Variants in REPS1 observed in about 807,000 individuals in gnomAD.
The protein encoded by REPS1 is RALBP1 associated Eps domain containing 1.
REPS1 carries 39 observed loss-of-function variants against 100.9 expected under a neutral mutation model. The ratio of observed to expected loss-of-function variants is 0.39; its 90% confidence interval spans 0.30 to 0.50. The LOEUF (loss-of-function observed/expected upper bound fraction) is 0.50. REPS1 is among the 20% of genes least tolerant of loss of function. The probability of loss-of-function intolerance (pLI) is 0.86; values close to 1 mark genes in which losing one functional copy is unlikely to be tolerated. For synonymous variants in REPS1, 324 were observed against 340.3 expected (o/e 0.95, Z 0.53); for missense variants, 821 against 968.5 (o/e 0.85, Z 2.02).
intron 1 of REPS1, among the ~76,000 whole-genome samples, chr6:138,948,291 A>C (rs1782770550): frequency 6.6e-6 from 1 of 152,214 alleles, no homozygotes; most frequent in African/African-American, 2.4e-5. Flanking sequence ...CGGTCTTTAA[A>C]TGATATAACA....
chr6:138,963,691 ACAAT>A (rs905164807), intron 1 of REPS1, among the ~76,000 whole-genome samples: 4 of 152,200 alleles, frequency 2.6e-5, no homozygotes, highest in African/African-American at 9.6e-5. Context: ...TCAAGGAAAA[ACAAT>A]CAGTGGCAAA....
chr6:138,907,129 A>G lies in REPS1; in HGVS notation c.2322+366T>C, dbSNP rs114318972. Among the ~76,000 whole-genome samples, 1,144 of 152,230 alleles carry G rather than the reference A, an allele frequency of 7.5e-3. 9 individuals are homozygous for G. Among genetic ancestry groups the G allele is most frequent in the African/African-American group, 0.025 (1,058 of 41,542 alleles). On this transcript the variant is annotated intron_variant, in intron 19 of 19. Transcript: ENST00000450536. ...ATTGCTGCCACTTCTCTTCTTCTTT[A>G]GACCTGTTTAAGTCCCTTTAATGGA...
At chr6:138,978,476 T>C (rs986830062) in intron 1 of REPS1, among the ~76,000 whole-genome samples, 21 of 108,220 alleles carry the variant, frequency 1.9e-4, no homozygotes, top group African/African-American at 1.3e-3. Context: ...GCTAATTTAT[T>C]TTATCTTTTT....
intron 1 of REPS1, among the ~76,000 whole-genome samples, chr6:138,966,480 G>A (rs538018471): frequency 1.2e-4 from 18 of 152,210 alleles, no homozygotes; most frequent in South Asian, 2.1e-4. Flanking sequence ...TCCCAAACTC[G>A]TAACGTGTTA....
At chr6:138,976,698 T>C (rs1408948260) in intron 1 of REPS1, among the ~76,000 whole-genome samples, 4 of 152,200 alleles carry the variant, frequency 2.6e-5, no homozygotes. Flanking sequence ...TCATTCTAAA[T>C]CATATTATTT....
chr6:138,960,560 C>G (rs1046100970), intron 1 of REPS1, among the ~76,000 whole-genome samples: 8 of 151,332 alleles, frequency 5.3e-5, no homozygotes, highest in Non-Finnish European at 1.0e-4. Context: ...TCCTTAATGT[C>G]TAGCTTAGGA....
Position 138,912,892 on chromosome 6 carries a change from C to T in REPS1, c.1844G>A (p.Ser615Asn). Residue 615 changes from serine to asparagine, a missense_variant, in exon 16 of 20, where the codon AGT becomes AAT. By Grantham distance (46) the Ser-to-Asn change is conservative (BLOSUM62 1). Around this residue, in one of 3 missense-constraint regions of REPS1, gnomAD observed 757 missense variants for 866.4 expected, o/e 0.87. Coordinates refer to ENST00000450536, the MANE Select transcript of REPS1 (RefSeq NM_001286611.2). Reference sequence around the variant, plus strand: ...CTCTGGTATCTGCTGAGGTGAGGTACTAGTGTGAGTTATGAGGCCATCGGC... The same window carrying T: ...CTCTGGTATCTGCTGAGGTGAGGTATTAGTGTGAGTTATGAGGCCATCGGC... The part of the protein sequence containing the change: ...VDADGLITHT[S>N]TSPQQIPEQP... 6.2e-7 allele frequency: 1 copy of T among 1,614,060 alleles called. No homozygotes were observed.
chr6:138,972,558 C>A (rs1784395503), intron 1 of REPS1, among the ~76,000 whole-genome samples: 1 of 151,960 alleles, frequency 6.6e-6, no homozygotes, highest in South Asian at 2.1e-4. Flanking sequence ...GACCTGTTTT[C>A]TTATTTAGAC....
At chr6:138,953,807 A>G (rs1783196172) in intron 1 of REPS1, among the ~76,000 whole-genome samples, 1 of 152,184 alleles carries the variant, frequency 6.6e-6, no homozygotes, top group Admixed American at 6.5e-5. Flanking sequence ...AGCTACAAAT[A>G]GAACTACCAT....
At chr6:138,936,787 G>A (rs1176068952) in intron 8 of REPS1, among the ~76,000 whole-genome samples, 4 of 152,056 alleles carry the variant, frequency 2.6e-5, no homozygotes, top group Non-Finnish European at 5.9e-5. Context: ...ATACATATAA[G>A]CATGTTCACT....
At chr6:138,928,325 T>C (rs1781270933) in intron 9 of REPS1, 1 of 152,220 alleles carries the variant, frequency 6.6e-6, no homozygotes, top group Non-Finnish European at 1.5e-5. Flanking sequence ...TCCTATACTG[T>C]CTTATCCGTA....
intron 1 of REPS1, among the ~76,000 whole-genome samples, chr6:138,972,501 T>C (rs767669527): frequency 2.0e-5 from 3 of 152,106 alleles, no homozygotes; most frequent in Non-Finnish European, 2.9e-5. Flanking sequence ...GGGAATGCTA[T>C]ACCTTCCCTC....
At chr6:138,984,959 G>A (rs1785170574) in intron 1 of REPS1, among the ~76,000 whole-genome samples, 1 of 152,126 alleles carries the variant, frequency 6.6e-6, no homozygotes, top group African/African-American at 2.4e-5. Flanking sequence ...GGATGTCCAT[G>A]ACCTAGCACC....
chr6:138,983,559 A>G (rs1738286092), intron 1 of REPS1, among the ~76,000 whole-genome samples: 1 of 152,248 alleles, frequency 6.6e-6, no homozygotes, highest in Non-Finnish European at 1.5e-5. Context: ...GCCTGGTTAA[A>G]GGAACATAAT....
intron 10 of REPS1, among the ~76,000 whole-genome samples, chr6:138,925,569 A>AT (rs1562524191): frequency 6.6e-6 from 1 of 151,916 alleles, no homozygotes; most frequent in East Asian, 1.9e-4. Context: ...TACTCAGCTC[A>AT]TTTTAAAAAT....
intron 1 of REPS1, chr6:138,951,188 C>CAA: frequency 7.0e-6 from 1 of 143,200 alleles, no homozygotes; most frequent in Non-Finnish European, 1.5e-5. Context: ...AACTCCATCT[C>CAA]AAAAAAAAAA....
intron 7 of REPS1, among the ~76,000 whole-genome samples, chr6:138,941,769 A>G (rs1171901558): frequency 6.6e-6 from 1 of 152,228 alleles, no homozygotes; most frequent in Non-Finnish European, 1.5e-5. Flanking sequence ...CACCAAAAAG[A>G]ATGACCTATA....
At chr6:138,960,000 C>T (rs901976655) in intron 1 of REPS1, among the ~76,000 whole-genome samples, 5 of 151,890 alleles carry the variant, frequency 3.3e-5, no homozygotes, top group African/African-American at 4.9e-5. Flanking sequence ...GAACTTCAAC[C>T]GTGCTTGCTT....
intron 7 of REPS1, 121 bp from the exon 8 acceptor site, chr6:138,941,610 C>A: frequency 1.1e-6 from 1 of 921,754 alleles, no homozygotes; most frequent in Non-Finnish European, 1.6e-6. Flanking sequence ...TTATAAAAAT[C>A]CCATACACAG....
Sources: allele counts gnomAD v4.1 joint callset (sites outside exome capture counted in the v4.1 genomes callset), GRCh38; gene constraint gnomAD v4.1.1; regional missense constraint gnomAD v4.1.1; transcripts MANE v1.5; gene names NCBI Gene and HGNC (gene_info 2026-07-23, HGNC 2026-07-21).